Variants in AP3M2 observed in about 807,000 individuals in gnomAD.
AP3M2 encodes the protein adaptor related protein complex 3 subunit mu 2, also known as AP-3 complex subunit mu-2.
Under a neutral mutation model 41.6 loss-of-function variants are expected in AP3M2, and 28 were observed. The ratio of observed to expected loss-of-function variants is 0.67; its 90% CI spans 0.50 to 0.92. The LOEUF (loss-of-function observed/expected upper bound fraction) is 0.92, where lower values mean the gene tolerates loss of function less well. Ranked by LOEUF, AP3M2 falls within the 40% of genes least tolerant of loss-of-function variation. The pLI is 0.00. For synonymous variants in AP3M2, 193 were observed against 186.4 expected (o/e 1.04, Z -0.29); for missense variants, 427 against 521.4 (o/e 0.82, Z 1.76).
chr8:42,165,684 A>AC, intron 6 of AP3M2, 124 bp downstream of exon 6: 17 of 1,225,678 alleles, frequency 1.4e-5, no homozygotes, highest in Middle Eastern at 2.2e-4. Context: ...TTCTGTGGTT[A>AC]CTAATTGGGT....
chr8:42,168,602 CTTTA>C (rs896215846), intron 8 of AP3M2, among the ~76,000 whole-genome samples: 6 of 152,120 alleles, frequency 3.9e-5, no homozygotes, highest in Admixed American at 2.0e-4. Context: ...TTGTTAATTC[CTTTA>C]TTTATAATTT....
intron 3 of AP3M2, among the ~76,000 whole-genome samples, chr8:42,160,683 G>T (rs79887170): frequency 1.3e-5 from 2 of 152,216 alleles, no homozygotes; most frequent in East Asian, 3.9e-4. Context: ...ATTTCTTCAA[G>T]AGTTTTCCTA....
In AP3M2 at chr8:42,169,114, T is replaced by A; in HGVS notation, c.*53T>A. 6.8e-7 allele frequency: 1 copy of A among 1,469,226 alleles called. No individual in the cohort carries two copies. Among genetic ancestry groups the A allele is most frequent in the Non-Finnish European group, 9.4e-7 (1 of 1,067,490 alleles). 91.0% of individuals were successfully genotyped at this position (1,469,226 alleles called of 1,614,324 possible). A position where few individuals can be genotyped will look rare whatever the true frequency, so the allele number is the denominator to read the frequency against. On this transcript the variant is annotated 3_prime_UTR_variant, in exon 9 of 9. Transcript: ENST00000396926. ...TGCACATTTTTTCATTTCTTACTTG[T>A]CTAAAAGTAAAAAAAAATATCAGCC... is the stretch of plus-strand genomic sequence containing the variant.
chr8:42,162,298 G>T lies in AP3M2; in HGVS notation c.463G>T (p.Asp155Tyr). The T allele has an allele frequency of 6.2e-7, 1 of 1,611,852 alleles. No individual in the cohort carries two copies. Among genetic ancestry groups the T allele is most frequent in the South Asian group, 1.1e-5 (1 of 90,578 alleles). Residue 155 changes from aspartate to tyrosine, a missense_variant, in exon 4 of 9, where the codon GAC becomes TAC. By Grantham distance (160) the Asp-to-Tyr change is radical (BLOSUM62 -3). Coordinates refer to ENST00000396926, the MANE Select transcript of AP3M2 (RefSeq NM_006803.4). Reference sequence around the variant, plus strand: ...TGCCTCAGGAAGCACGAATGTGGGTGACCAGCTTCCCACTGGGCAGCTGTC... The same window carrying T: ...TGCCTCAGGAAGCACGAATGTGGGTTACCAGCTTCCCACTGGGCAGCTGTC... ...NTITGSTNVG[D>Y]QLPTGQLSVV...
chr8:42,167,463 T>TCTA, intron 7 of AP3M2, 92 bp downstream of exon 7: 1 of 1,489,870 alleles, frequency 6.7e-7, no homozygotes. Context: ...GTTTGGAAGG[T>TCTA]GAGATGAGTC....
rs1000094092 is a variant in AP3M2 at position 42,165,220 on chromosome 8, A to T, written c.669+64A>T. On this transcript the variant is annotated intron_variant, in intron 5 of 8. Transcript: ENST00000396926. ...AAATTAAATGCTGCTGGAAAGACAG[A>T]GTAGTGGGAATGGAATAGAACAAGA... The T allele has an allele frequency of 5.2e-6, 8 of 1,542,946 alleles. No homozygotes were observed. The African/African-American group carries it at 5.5e-5, about 11-fold the overall frequency.
chr8:42,164,698 C>G (rs1380732039), intron 4 of AP3M2, among the ~76,000 whole-genome samples: 1 of 152,176 alleles, frequency 6.6e-6, no homozygotes, highest in African/African-American at 2.4e-5. Context: ...CATTGGTGAC[C>G]TTAGGGAGAA....
chr8:42,167,200 C>T lies in AP3M2; in HGVS notation c.840C>T (p.Ile280=), dbSNP rs767932622. 9.3e-6 allele frequency: 15 copies of T among 1,614,130 alleles called. 1 individual carries two copies. The South Asian group carries it at 1.5e-4, about 17-fold the overall frequency. ...TCCCAGTGTATGTCAAACATAACAT[C>T]AGTTTCCGGGACAGTAGTTCCCTTG... ...VAIPVYVKHN[I]SFRDSSSLGR... The change falls in exon 7 of 9, where the codon ATC becomes ATT. Residue 280 remains isoleucine, a synonymous_variant. Coordinates refer to ENST00000396926, the MANE Select transcript of AP3M2 (RefSeq NM_006803.4).
intron 8 of AP3M2, 89 bp downstream of exon 8, chr8:42,167,899 T>C: frequency 6.8e-7 from 1 of 1,472,546 alleles, no homozygotes; most frequent in Non-Finnish European, 9.1e-7. Context: ...TTTCTGGGCT[T>C]CCTGTTTACA....
Position 42,169,985 on chromosome 8 carries a change from G to A in AP3M2, c.*924G>A, listed in dbSNP as rs776462741. Reference sequence around the variant, plus strand: ...AAAGTAAGAGAGTTTCAGAGAAGCCGATCCCATAATCCCCAGTGCAGCCAG... The same window carrying A: ...AAAGTAAGAGAGTTTCAGAGAAGCCAATCCCATAATCCCCAGTGCAGCCAG... On this transcript the variant is annotated 3_prime_UTR_variant, in exon 9 of 9. Coordinates refer to ENST00000396926, the MANE Select transcript of AP3M2 (RefSeq NM_006803.4). The A allele has an allele frequency of 2.0e-5, 3 of 152,160 alleles. No individual in the cohort carries two copies. Among genetic ancestry groups the A allele is most frequent in the Non-Finnish European group, 2.9e-5 (2 of 68,046 alleles). 9.4% of individuals were successfully genotyped at this position (152,160 alleles called of 1,614,324 possible). A position where few individuals can be genotyped will look rare whatever the true frequency, so the allele number is the denominator to read the frequency against.
At chr8:42,157,813 C>A in intron 2 of AP3M2, 128 bp from the exon 3 acceptor site, 2 of 842,436 alleles carry the variant, frequency 2.4e-6, no homozygotes, top group Non-Finnish European at 3.5e-6. Flanking sequence ...TGCATTCCCT[C>A]GTTGTAGAAG....
intron 1 of AP3M2, chr8:42,153,725 T>G (rs1354075653): frequency 2.6e-5 from 4 of 151,892 alleles, no homozygotes; most frequent in Non-Finnish European, 4.4e-5. Flanking sequence ...GATCTCGAAC[T>G]CGTGAGCTCC....
intron 6 of AP3M2, among the ~76,000 whole-genome samples, chr8:42,166,140 C>A (rs1428924817): frequency 6.6e-6 from 1 of 152,166 alleles, no homozygotes; most frequent in African/African-American, 2.4e-5. Flanking sequence ...AGGTCAAAGC[C>A]TCTGGAATCA....
In AP3M2 at chr8:42,154,664, C is replaced by G. The variant is rs1308956158; in HGVS notation, c.-24C>G. On this transcript the variant is annotated 5_prime_UTR_variant, in exon 2 of 9. Coordinates refer to ENST00000396926, the MANE Select transcript of AP3M2 (RefSeq NM_006803.4). ...AGGCTTTCAGACTGAAAAAGGCTTT[C>G]TTCTGTCACTGACAATCGCCACCAT... is the stretch of plus-strand genomic sequence containing the variant. 1 of 1,609,836 alleles carries G rather than the reference C, an allele frequency of 6.2e-7. No homozygotes were observed. The highest frequency in any genetic ancestry group is 8.5e-7 in the Non-Finnish European group (1 of 1,177,784).
chr8:42,159,700 A>G (rs562041738), intron 3 of AP3M2, among the ~76,000 whole-genome samples: 15 of 152,314 alleles, frequency 9.8e-5, no homozygotes, highest in African/African-American at 3.6e-4. Context: ...CACATTTTAA[A>G]TGTTTTGATT....
chr8:42,154,967 G>A lies in AP3M2; in HGVS notation c.273+7G>A. On this transcript the variant is annotated splice_region_variant and intron_variant, in intron 2 of 8. Coordinates refer to ENST00000396926, the MANE Select transcript of AP3M2 (RefSeq NM_006803.4). ...AGTGGTGGACACATTTCAGGTTCGTGAATGTGGGAAAGTTCATATATGTAA... is the reference window on the plus strand; with the variant it reads ...AGTGGTGGACACATTTCAGGTTCGTAAATGTGGGAAAGTTCATATATGTAA... The A allele has an allele frequency of 6.2e-7, 1 of 1,609,288 alleles. No homozygotes were observed.
chr8:42,154,595 T>TATC, intron 1 of AP3M2, 21 bp from the exon 2 acceptor site: 6 of 1,528,342 alleles, frequency 3.9e-6, no homozygotes, highest in Non-Finnish European at 5.2e-6. Context: ...TGGAACTGAA[T>TATC]ATCGCTGCTT....
rs1804528147 is a variant in AP3M2, at chr8:42,162,330, G to A, written c.495G>A (p.Val165=). 1 of 1,613,826 alleles carries A rather than the reference G, an allele frequency of 6.2e-7. No individual in the cohort carries two copies. Among genetic ancestry groups the A allele is most frequent in the Non-Finnish European group, 8.5e-7 (1 of 1,179,910 alleles). ...TTCCCACTGGGCAGCTGTCAGTGGT[G>A]CCTTGGCGACGGACTGGGGTGAAAT... The part of the protein sequence containing the change: ...DQLPTGQLSV[V]PWRRTGVKYT... Residue 165 remains valine (V), a synonymous_variant, in exon 4 of 9, where the codon GTG becomes GTA. Coordinates refer to ENST00000396926, the MANE Select transcript of AP3M2 (RefSeq NM_006803.4).
chr8:42,157,202 G>T (rs928254074), intron 2 of AP3M2, among the ~76,000 whole-genome samples: 7 of 152,194 alleles, frequency 4.6e-5, no homozygotes. Flanking sequence ...ATTCATGAGC[G>T]TTAGTGTTTA....
Sources: allele counts gnomAD v4.1 joint callset (sites outside exome capture counted in the v4.1 genomes callset), GRCh38; gene constraint gnomAD v4.1.1; transcripts MANE v1.5; gene names NCBI Gene and HGNC (gene_info 2026-07-23, HGNC 2026-07-21).